The following DAB2IP variants were observed in gnomAD, a reference collection of about 807,000 sequenced individuals.
The protein encoded by DAB2IP is DAB2 interacting protein, also known as disabled homolog 2-interacting protein.
In DAB2IP, 28 loss-of-function variants were observed where a neutral mutation model predicts 107.2. That is an observed-to-expected ratio of 0.26 (90% CI 0.19 to 0.36). The LOEUF (loss-of-function observed/expected upper bound fraction) is 0.36, where lower values mean the gene tolerates loss of function less well. Among genes scored for constraint, DAB2IP ranks in the 10% least tolerant of loss-of-function variants. The pLI is 1.00. For synonymous variants in DAB2IP, 755 were observed against 706.4 expected, an observed-to-expected ratio of 1.07 and a Z score of -1.09; for missense variants, 1,400 against 1,644.7, an observed-to-expected ratio of 0.85 and a Z score of 2.57.
At chr9:121,756,926 G>A in intron 3 of DAB2IP, 87 bp from the exon 4 acceptor site, 1 of 1,579,610 alleles carries the variant, frequency 6.3e-7, no homozygotes, top group East Asian at 2.2e-5. Flanking sequence ...TGCTGGAAGG[G>A]GCACGGCCAG....
intron 14 of DAB2IP, among the ~76,000 whole-genome samples, chr9:121,780,882 C>T (rs1425814737): frequency 2.0e-5 from 3 of 152,202 alleles, no homozygotes; most frequent in African/African-American, 7.2e-5. Context: ...TGATGTGCGA[C>T]CTCCCAGCCC....
intron 2 of DAB2IP, among the ~76,000 whole-genome samples, chr9:121,695,950 C>T (rs1434023775): frequency 4.6e-5 from 7 of 152,250 alleles, no homozygotes; most frequent in African/African-American, 1.7e-4. Context: ...CTCACTGCAG[C>T]CTCCACCTCC....
At chr9:121,620,173 A>G (rs1388442523) in intron 1 of DAB2IP, among the ~76,000 whole-genome samples, 1 of 152,208 alleles carries the variant, frequency 6.6e-6, no homozygotes, top group Non-Finnish European at 1.5e-5. Flanking sequence ...AGCCGCTCAA[A>G]TGGGCGGCTC....
chr9:121,759,786 A>C (rs1196133315), intron 5 of DAB2IP, 99 bp from the exon 6 acceptor site: 10 of 1,127,176 alleles, frequency 8.9e-6, no homozygotes, highest in Non-Finnish European at 1.2e-5. Flanking sequence ...CCACCTTCAG[A>C]GCTCCTCCTG....
At chr9:121,629,474 G>T (rs75010983) in intron 1 of DAB2IP, among the ~76,000 whole-genome samples, 11,096 of 152,268 alleles carry the variant, frequency 0.073, 487 homozygotes, top group Non-Finnish European at 0.1. Context: ...CCCTGAGAGG[G>T]TGGTGGTGGG....
intron 2 of DAB2IP, among the ~76,000 whole-genome samples, chr9:121,682,988 C>A (rs916252576): frequency 3.9e-5 from 6 of 152,092 alleles, no homozygotes; most frequent in African/African-American, 1.4e-4. Context: ...AGTAGATGAC[C>A]AGAGAGGCTT....
chr9:121,754,148 A>G (rs1346240388), intron 3 of DAB2IP, among the ~76,000 whole-genome samples: 1 of 152,102 alleles, frequency 6.6e-6, no homozygotes, highest in Admixed American at 6.5e-5. Context: ...GAAGTGACCA[A>G]ATGACCATTT....
rs905494920 is a variant in DAB2IP at position 121,772,458 on chromosome 9, T to C, written c.2079-149T>C. 6.0e-6 allele frequency: 5 copies of C among 831,882 alleles called. No individual in the cohort carries two copies. The African/African-American group carries it at 6.8e-5, about 11-fold the overall frequency. 51.5% of individuals were successfully genotyped at this position (831,882 alleles called of 1,614,324 possible). On this transcript the variant is annotated intron_variant, in intron 11 of 15. Transcript: ENST00000408936. The surrounding 1 kb of genome is among the most constrained non-coding windows in gnomAD (Gnocchi z 4.7). ...TCTGGTCCCCGGATTCTCCCACTCC[T>C]GCCACCCCAGCGCATCCATCTCCCC...
Position 121,760,437 on chromosome 9 carries a change from A to C in DAB2IP, c.1168A>C (p.Lys390Gln), listed in dbSNP as rs1255105555. Residue 390 changes from lysine to glutamine, a missense_variant and splice_region_variant, in exon 6 of 16, where the codon AAG (lysine) becomes CAG (glutamine). Lys to Gln is a moderately conservative substitution (Grantham distance 53, BLOSUM62 1). Coordinates refer to ENST00000408936, the Ensembl canonical transcript of DAB2IP. The surrounding 1 kb of genome is among the most constrained non-coding windows in gnomAD (Gnocchi z 5.9). ...CATCCTGCAGAGCACGGGCAAGGTGAAGGTGCGTGCAGGCCCCTCGGCTCC... is the reference window on the plus strand; with the variant it reads ...CATCCTGCAGAGCACGGGCAAGGTGCAGGTGCGTGCAGGCCCCTCGGCTCC... 3.8e-6 allele frequency: 6 copies of C among 1,595,486 alleles called. No individual in the cohort carries two copies. Among genetic ancestry groups the C allele is most frequent in the Non-Finnish European group, 5.1e-6 (6 of 1,174,322 alleles).
chr9:121,599,421 C>T lies in DAB2IP; in HGVS notation c.40+32193C>T, dbSNP rs1180628475. On this transcript the variant is annotated intron_variant, in intron 1 of 16. Transcript: ENST00000259371. This position sits in a 1 kb window ranked among gnomAD's most constrained non-coding sequence, Gnocchi z 6.9. ...TCGATTGACCAAACAGGTGCGCCCC[C>T]GCCCCTCTGCTCCCCGCCCGCGCTG... Among the ~76,000 whole-genome samples the T allele has an allele frequency of 6.6e-6, 1 of 152,078 alleles. No homozygotes were observed. Among genetic ancestry groups the T allele is most frequent in the Admixed American group, 6.5e-5 (1 of 15,280 alleles).
intron 1 of DAB2IP, among the ~76,000 whole-genome samples, chr9:121,596,901 C>A (rs187650111): frequency 6.6e-6 from 1 of 152,208 alleles, no homozygotes; most frequent in Non-Finnish European, 1.5e-5. Flanking sequence ...TGTCCCACTT[C>A]TTTGTTTTTG....
In DAB2IP at chr9:121,773,514, A is replaced by T. The variant is rs1834932025; in HGVS notation, c.2967+19A>T. ...CAAGCAGGTCAGTGCTGCTAGTCAGAGGGCAGGGCTGGGCACTTGGGCCCA... is the reference window on the plus strand; with the variant it reads ...CAAGCAGGTCAGTGCTGCTAGTCAGTGGGCAGGGCTGGGCACTTGGGCCCA... On this transcript the variant is annotated intron_variant, in intron 12 of 15. Transcript: ENST00000408936. 2 of 1,465,306 alleles carry T rather than the reference A, an allele frequency of 1.4e-6. No homozygotes were observed. The highest frequency in any genetic ancestry group is 1.8e-6 in the Non-Finnish European group (2 of 1,108,574). The allele number at this position is 1,465,306 out of a possible 1,614,324, so 90.8% of individuals were successfully genotyped here.
chr9:121,629,342 C>G (rs765890835), intron 1 of DAB2IP, among the ~76,000 whole-genome samples: 33 of 152,096 alleles, frequency 2.2e-4, no homozygotes, highest in Non-Finnish European at 4.4e-4. Context: ...GTGGGGGTGA[C>G]AGCCAAGCTT....
At chr9:121,610,329 A>G (rs774696392) in intron 1 of DAB2IP, among the ~76,000 whole-genome samples, 3 of 152,164 alleles carry the variant, frequency 2.0e-5, no homozygotes, top group Non-Finnish European at 4.4e-5. Flanking sequence ...AATACCTAGC[A>G]GCTCACACTT....
intron 1 of DAB2IP, among the ~76,000 whole-genome samples, chr9:121,675,366 G>T (rs1055894110): frequency 1.3e-5 from 2 of 152,186 alleles, no homozygotes; most frequent in Non-Finnish European, 1.5e-5. Flanking sequence ...AGAAGCCAGA[G>T]AGTGTGTGAG....
Position 121,772,970 on chromosome 9 carries a change from G to A in DAB2IP, c.2442G>A (p.Glu814=), listed in dbSNP as rs751759452. 1.3e-6 allele frequency: 2 copies of A among 1,598,078 alleles called. No homozygotes were observed. Among genetic ancestry groups the A allele is most frequent in the East Asian group, 4.5e-5 (2 of 44,698 alleles). The change falls in exon 12 of 16, where the codon GAG becomes GAA. Residue 814 remains glutamate, a synonymous_variant. Transcript: ENST00000408936. This position sits in a 1 kb window ranked among gnomAD's most constrained non-coding sequence, Gnocchi z 4.7. The stretch of plus-strand genomic sequence containing the variant: ...CACCAACCACACCAGGCACCTCCGA[G>A]GGCGCGCCAGGCCGGCCCCAGCTGT...
chr9:121,722,841 T>C (rs1048080338), intron 3 of DAB2IP, among the ~76,000 whole-genome samples: 1 of 152,158 alleles, frequency 6.6e-6, no homozygotes, highest in Non-Finnish European at 1.5e-5. Context: ...ATTGCAAGTA[T>C]AGAGTACCAA....
chr9:121,732,621 G>A (rs1288423523), intron 3 of DAB2IP, among the ~76,000 whole-genome samples: 2 of 152,152 alleles, frequency 1.3e-5, no homozygotes, highest in African/African-American at 4.8e-5. Flanking sequence ...TCAAAACTAG[G>A]TGAGTGGGGA....
At chr9:121,783,692 GCCGGCCTCCTCCTCACCCTTCCCGGCCC>G in exon 16 of DAB2IP, 2 of 1,111,478 alleles carry the variant, frequency 1.8e-6, no homozygotes, top group Non-Finnish European at 2.7e-6. Context: ...CGTGTGTGTG[GCCGGCCTCCTCCTCACCCTTCCCGGCCC>G]CCGGCCAAGG....
Sources: gnomAD v4.1 joint callset for allele counts (sites outside exome capture counted in the v4.1 genomes callset) on GRCh38, gnomAD v4.1.1 for gene constraint, Gnocchi (gnomAD v3.1) non-coding constraint, MANE v1.5 for transcripts, NCBI Gene and HGNC (gene_info 2026-07-23, HGNC 2026-07-21) for gene names.